Variants in SEMA3C observed in about 807,000 individuals in gnomAD.
The protein encoded by SEMA3C is semaphorin-3C.
In SEMA3C, 47 loss-of-function variants were observed where a neutral mutation model predicts 89.4. The ratio of observed to expected loss-of-function variants is 0.53; its 90% confidence interval spans 0.42 to 0.67. SEMA3C has a LOEUF of 0.67. Ranked by LOEUF, SEMA3C falls within the 30% of genes least tolerant of loss-of-function variation. The pLI, the probability that SEMA3C is intolerant of heterozygous loss-of-function variation, is 0.00. For synonymous variants in SEMA3C, 310 were observed against 320.2 expected, an observed-to-expected ratio of 0.97 and a Z score of 0.34; for missense variants, 839 against 929.1, an observed-to-expected ratio of 0.90 and a Z score of 1.26.
At chr7:80,816,661 A>T (rs1040346260) in intron 5 of SEMA3C, among the ~76,000 whole-genome samples, 2 of 152,208 alleles carry the variant, frequency 1.3e-5, no homozygotes, top group African/African-American at 4.8e-5. Flanking sequence ...ACTACATTTT[A>T]TAAAGCTTAA....
At chr7:80,863,646 G>T (rs569816941) in intron 2 of SEMA3C, among the ~76,000 whole-genome samples, 1 of 145,874 alleles carries the variant, frequency 6.9e-6, no homozygotes, top group East Asian at 2.0e-4. Flanking sequence ...AGAAACTGTG[G>T]TATATATATA....
At chr7:80,874,864 T>C (rs914624516) in intron 2 of SEMA3C, among the ~76,000 whole-genome samples, 3 of 152,076 alleles carry the variant, frequency 2.0e-5, no homozygotes, top group Non-Finnish European at 2.9e-5. Flanking sequence ...GTGGAGCACG[T>C]GAGGTCAGGA....
At chr7:80,853,222 A>G (rs1790558104) in intron 2 of SEMA3C, among the ~76,000 whole-genome samples, 1 of 152,136 alleles carries the variant, frequency 6.6e-6, no homozygotes, top group Non-Finnish European at 1.5e-5. Context: ...TCCTCAAAAA[A>G]CTAACAATAG....
chr7:80,835,823 A>C (rs575803399), intron 2 of SEMA3C, among the ~76,000 whole-genome samples: 1 of 152,298 alleles, frequency 6.6e-6, no homozygotes, highest in African/African-American at 2.4e-5. Context: ...ATTCGGTTCT[A>C]ATATTACTCT....
chr7:80,896,754 G>C (rs1385259294), intron 2 of SEMA3C, among the ~76,000 whole-genome samples: 1 of 152,156 alleles, frequency 6.6e-6, no homozygotes, highest in Non-Finnish European at 1.5e-5. Context: ...CTATGAACCA[G>C]CTAGCCTACA....
Position 80,745,059 on chromosome 7 carries a change from G to GA in SEMA3C, c.2090dup (p.Ser698GlnfsTer9), listed in dbSNP as rs1307970887. 1 of 1,613,990 alleles carries GA rather than the reference G, an allele frequency of 6.2e-7. No individual in the cohort carries two copies. The highest frequency in any genetic ancestry group is 8.5e-7 in the Non-Finnish European group (1 of 1,180,010). ...TAATCATCTGCATTTCTGAGTGGCTGAATGCCCCCATGATGTCCTTCGGGT... is the reference window on the plus strand; with the variant it reads ...TAATCATCTGCATTTCTGAGTGGCTGAAATGCCCCCATGATGTCCTTCGGGT... On this transcript the variant is annotated frameshift_variant, in exon 18 of 18. Coordinates refer to ENST00000265361, the MANE Select transcript of SEMA3C (RefSeq NM_006379.5). LOFTEE classifies it high-confidence loss of function.
At chr7:80,849,434 A>C (rs1185739298) in intron 2 of SEMA3C, among the ~76,000 whole-genome samples, 1 of 151,144 alleles carries the variant, frequency 6.6e-6, no homozygotes, top group East Asian at 2.1e-4. Flanking sequence ...CTGATCAACT[A>C]TAAGTTTCTT....
At chr7:80,903,919 C>G (rs930880924) in intron 2 of SEMA3C, among the ~76,000 whole-genome samples, 2 of 152,188 alleles carry the variant, frequency 1.3e-5, no homozygotes, top group African/African-American at 4.8e-5. Flanking sequence ...CCTACCACCA[C>G]TATAGCTTCT....
intron 2 of SEMA3C, among the ~76,000 whole-genome samples, chr7:80,878,613 T>G (rs913707261): frequency 1.3e-5 from 2 of 152,034 alleles, no homozygotes; most frequent in Non-Finnish European, 2.9e-5. Context: ...TGAGTGGGGA[T>G]CCAAGTTAGA....
intron 13 of SEMA3C, among the ~76,000 whole-genome samples, chr7:80,762,670 G>C (rs1788212214): frequency 1.3e-5 from 2 of 152,080 alleles, no homozygotes; most frequent in East Asian, 1.9e-4. Flanking sequence ...AAAATTAGCT[G>C]AGTATGGTGG....
chr7:80,850,200 A>C (rs1405454111), intron 2 of SEMA3C, among the ~76,000 whole-genome samples: 1 of 152,200 alleles, frequency 6.6e-6, no homozygotes, highest in Non-Finnish European at 1.5e-5. Context: ...TACTTTTGGA[A>C]GGAATATAAA....
At chr7:80,796,276 T>C (rs569233755) in intron 11 of SEMA3C, 2 of 152,278 alleles carry the variant, frequency 1.3e-5, no homozygotes, top group East Asian at 3.9e-4. Flanking sequence ...TTGAGTAAAA[T>C]AATAACAGCC....
intron 2 of SEMA3C, among the ~76,000 whole-genome samples, chr7:80,874,642 G>A (rs1287977126): frequency 6.6e-6 from 1 of 151,580 alleles, no homozygotes; most frequent in Non-Finnish European, 1.5e-5. Flanking sequence ...AATTTTTTGT[G>A]TTTTTAGTAG....
chr7:80,786,553 G>T (rs1788807219), intron 12 of SEMA3C, among the ~76,000 whole-genome samples: 1 of 152,138 alleles, frequency 6.6e-6, no homozygotes. Context: ...TCAGGAAAAA[G>T]AAAACTGTTT....
intron 3 of SEMA3C, among the ~76,000 whole-genome samples, chr7:80,827,999 T>C (rs1263837935): frequency 3.3e-5 from 5 of 152,138 alleles, no homozygotes; most frequent in Non-Finnish European, 4.4e-5. Flanking sequence ...GTACTCTAAG[T>C]AGTTGCAGCC....
chr7:80,836,917 A>G (rs1368808955), intron 2 of SEMA3C, among the ~76,000 whole-genome samples: 1 of 152,132 alleles, frequency 6.6e-6, no homozygotes, highest in Admixed American at 6.6e-5. Context: ...AAGTTAAATT[A>G]TATGGCTGCT....
At chr7:80,869,358 T>C (rs1791003037) in intron 2 of SEMA3C, among the ~76,000 whole-genome samples, 1 of 152,246 alleles carries the variant, frequency 6.6e-6, no homozygotes, top group South Asian at 2.1e-4. Context: ...TAAATCTATT[T>C]GCTCGTAGAT....
Position 80,881,207 on chromosome 7 carries a change from ACACT to A in SEMA3C, c.103+35468_103+35471del, listed in dbSNP as rs1222235634. On this transcript the variant is annotated intron_variant, in intron 2 of 17. Transcript: ENST00000265361. ...CACACACACACACACACACACACAC[ACACT>A]CTCTCTCATGTAAAGTTTTTCAATC... 1.2e-3 allele frequency among the ~76,000 whole-genome samples: 169 copies of A among 141,186 alleles called. 1 individual carries two copies. The East Asian group carries it at 0.02, about 16-fold the overall frequency. 92.6% of individuals were successfully genotyped at this position (141,186 alleles called of 152,430 possible). A position where few individuals can be genotyped will look rare whatever the true frequency, so the allele number is the denominator to read the frequency against.
intron 13 of SEMA3C, among the ~76,000 whole-genome samples, chr7:80,762,617 C>T (rs1447845501): frequency 1.3e-5 from 2 of 151,986 alleles, no homozygotes; most frequent in South Asian, 2.1e-4. Flanking sequence ...GTCAGGAGTT[C>T]GAGACCAGCC....
Sources: allele counts gnomAD v4.1 joint callset (sites outside exome capture counted in the v4.1 genomes callset), GRCh38; gene constraint gnomAD v4.1.1; transcripts MANE v1.5; gene names NCBI Gene and HGNC (gene_info 2026-07-23, HGNC 2026-07-21).